The following CNTN3 variants were observed in gnomAD, a reference collection of about 807,000 sequenced individuals.
CNTN3 encodes contactin 3, also known as contactin-3.
CNTN3 carries 60 observed loss-of-function variants against 119.1 expected under a neutral mutation model. The ratio of observed to expected loss-of-function variants is 0.50; its 90% CI spans 0.41 to 0.62. The LOEUF (loss-of-function observed/expected upper bound fraction) is 0.62. Among genes scored for constraint, CNTN3 ranks in the 20% least tolerant of loss-of-function variants. The pLI is 0.00. For missense variants in CNTN3, 1,101 were observed against 1,242.4 expected, an observed-to-expected ratio of 0.89 and a Z score of 1.71; for synonymous variants, 450 against 438.7, an observed-to-expected ratio of 1.03 and a Z score of -0.32.
At chr3:74,495,145 G>A (rs1421338757) in intron 3 of CNTN3, among the ~76,000 whole-genome samples, 1 of 152,050 alleles carries the variant, frequency 6.6e-6, no homozygotes, top group Non-Finnish European at 1.5e-5. Context: ...AGCTGGAGAA[G>A]CCAGGATGTG....
intron 1 of CNTN3, among the ~76,000 whole-genome samples, chr3:74,567,327 T>A (rs2106643123): frequency 7.0e-6 from 1 of 142,218 alleles, no homozygotes; most frequent in African/African-American, 2.6e-5. Context: ...TTTTTTTTTT[T>A]TTTTTTTTTT....
intron 20 of CNTN3, among the ~76,000 whole-genome samples, chr3:74,281,414 C>A (rs1356517894): frequency 6.6e-6 from 1 of 152,062 alleles, no homozygotes; most frequent in East Asian, 1.9e-4. Flanking sequence ...CAGTGCAGCT[C>A]TGATCGATCT....
intron 1 of CNTN3, among the ~76,000 whole-genome samples, chr3:74,537,644 G>A (rs1445646328): frequency 2.0e-5 from 3 of 152,114 alleles, no homozygotes; most frequent in Non-Finnish European, 4.4e-5. Flanking sequence ...TTGCAGTAGG[G>A]AAGGCAGAGG....
At chr3:74,485,674 C>A (rs1002839599) in intron 4 of CNTN3, among the ~76,000 whole-genome samples, 18 of 151,076 alleles carry the variant, frequency 1.2e-4, no homozygotes, top group Non-Finnish European at 7.4e-5. Flanking sequence ...AATCTCAGAA[C>A]CAAGGTAATC....
intron 4 of CNTN3, among the ~76,000 whole-genome samples, chr3:74,439,305 G>A (rs1018769135): frequency 3.3e-5 from 5 of 151,980 alleles, no homozygotes; most frequent in Non-Finnish European, 5.9e-5. Context: ...CCAGGAGTTC[G>A]AGACCACCCT....
chr3:74,412,751 T>G (rs1701460242), intron 5 of CNTN3, among the ~76,000 whole-genome samples: 1 of 152,154 alleles, frequency 6.6e-6, no homozygotes, highest in Non-Finnish European at 1.5e-5. Context: ...CTTTAAAAAT[T>G]TACTTTCTCC....
intron 11 of CNTN3, among the ~76,000 whole-genome samples, chr3:74,340,252 G>C (rs936601791): frequency 1.4e-4 from 21 of 152,050 alleles, no homozygotes; most frequent in Non-Finnish European, 2.6e-4. Context: ...CACATATGTA[G>C]CTATGTTGTT....
intron 2 of CNTN3, among the ~76,000 whole-genome samples, chr3:74,508,095 T>C (rs895464406): frequency 2.6e-5 from 4 of 152,140 alleles, no homozygotes; most frequent in Non-Finnish European, 5.9e-5. Context: ...TCATCTTGAA[T>C]TGTAATCCCC....
chr3:74,580,534 C>T (rs748004940), intron 1 of CNTN3, among the ~76,000 whole-genome samples: 1 of 151,950 alleles, frequency 6.6e-6, no homozygotes, highest in African/African-American at 2.4e-5. Flanking sequence ...CAAACACATT[C>T]GTATATTTTA....
At chr3:74,281,274 G>C (rs1436141191) in intron 20 of CNTN3, among the ~76,000 whole-genome samples, 1 of 152,138 alleles carries the variant, frequency 6.6e-6, no homozygotes, top group East Asian at 1.9e-4. Flanking sequence ...GAGAGAGTTG[G>C]AGGCAGCTTG....
intron 2 of CNTN3, among the ~76,000 whole-genome samples, chr3:74,506,737 G>GAAA (rs35051185): frequency 7.3e-4 from 10 of 13,754 alleles, no homozygotes; most frequent in African/African-American, 9.7e-4. Flanking sequence ...CCATTTATCT[G>GAAA]AAAAAAAAAA....
chr3:74,269,126 T>C (rs1047681144), intron 20 of CNTN3, among the ~76,000 whole-genome samples: 1 of 151,992 alleles, frequency 6.6e-6, no homozygotes, highest in Non-Finnish European at 1.5e-5. Context: ...ATCATATTAC[T>C]GTTTTCTAAA....
intron 4 of CNTN3, among the ~76,000 whole-genome samples, chr3:74,440,795 ATT>A (rs1701950424): frequency 6.6e-6 from 1 of 152,172 alleles, no homozygotes; most frequent in South Asian, 2.1e-4. Context: ...GCATTAGGTC[ATT>A]TGTCTTTAAA....
At chr3:74,607,072 A>C (rs1705004879) in intron 1 of CNTN3, among the ~76,000 whole-genome samples, 1 of 152,180 alleles carries the variant, frequency 6.6e-6, no homozygotes, top group Non-Finnish European at 1.5e-5. Flanking sequence ...TATTTAAAAT[A>C]AATAGAAGCC....
rs639727 is a variant in CNTN3, at chr3:74,333,552, C to T, written c.1668+1183G>A. Among the ~76,000 whole-genome samples the T allele has an allele frequency of 4.0e-3, 603 of 152,288 alleles. 4 individuals carry two copies. The highest frequency in any genetic ancestry group is 0.014 in the African/African-American group (578 of 41,560). ...ATTCTCCTCTTTGTGTGTCTATGTC[C>T]AAATGGCCTTCTTTTTATAAGGACA... is the stretch of plus-strand genomic sequence containing the variant. On this transcript the variant is annotated intron_variant, in intron 13 of 22. Transcript: ENST00000263665.
chr3:74,474,797 A>C (rs1322193522), intron 4 of CNTN3, among the ~76,000 whole-genome samples: 1 of 152,116 alleles, frequency 6.6e-6, no homozygotes, highest in African/African-American at 2.4e-5. Context: ...GTTTCTCAGA[A>C]ATGGCTTAGG....
intron 13 of CNTN3, among the ~76,000 whole-genome samples, chr3:74,323,574 C>T (rs1257368435): frequency 1.3e-5 from 2 of 152,242 alleles, no homozygotes; most frequent in East Asian, 3.9e-4. Context: ...GCATCTTATA[C>T]TTTAAGTGGA....
chr3:74,602,295 C>CAAA (rs1167052275), intron 1 of CNTN3, among the ~76,000 whole-genome samples: 6 of 19,696 alleles, frequency 3.0e-4, no homozygotes, highest in Admixed American at 6.0e-4. Context: ...GACCTGGTCT[C>CAAA]AAAAAAAAAA....
At chr3:74,465,818 A>G (rs1702450919) in intron 4 of CNTN3, among the ~76,000 whole-genome samples, 1 of 152,000 alleles carries the variant, frequency 6.6e-6, no homozygotes, top group South Asian at 2.1e-4. Flanking sequence ...TTGTGTCTGA[A>G]CCCTGAAGGA....
Sources: gnomAD v4.1 joint callset for allele counts (sites outside exome capture counted in the v4.1 genomes callset) on GRCh38, gnomAD v4.1.1 for gene constraint, MANE v1.5 for transcripts, NCBI Gene and HGNC (gene_info 2026-07-23, HGNC 2026-07-21) for gene names.